Variants in PACS2 observed in about 807,000 individuals in gnomAD.
PACS2 encodes the protein PACS1-like protein.
PACS2 carries 36 observed loss-of-function variants against 113.0 expected under a neutral mutation model. That is an observed-to-expected ratio of 0.32 (90% CI 0.24 to 0.42). PACS2 has a LOEUF of 0.42. Ranked by LOEUF, PACS2 falls within the 10% of genes least tolerant of loss-of-function variation. The pLI, the probability that PACS2 is intolerant of heterozygous loss-of-function variation, is 1.00. For missense variants in PACS2, 1,015 were observed against 1,239.5 expected (o/e 0.82, Z 2.72); for synonymous variants, 589 against 536.1 (o/e 1.10, Z -1.36).
intron 1 of PACS2, among the ~76,000 whole-genome samples, chr14:105,321,781 C>T (rs1232850700): frequency 2.0e-5 from 3 of 151,502 alleles, no homozygotes; most frequent in African/African-American, 7.3e-5. Context: ...TGCTTTTTGT[C>T]TTTAGTATTG....
Position 105,315,413 on chromosome 14 carries a change from C to T in PACS2, c.119+376C>T, listed in dbSNP as rs912073941. ...TTCCTCTCTCGGGTACCACACGCTT[C>T]CTTTCGCGTTCGGCGACACTGTCAG... On this transcript the variant is annotated intron_variant, in intron 1 of 24. Transcript: ENST00000447393. The surrounding 1 kb of genome is among the most constrained non-coding windows in gnomAD (Gnocchi z 4.4). 5 of 152,290 alleles carry T rather than the reference C, an allele frequency of 3.3e-5. No homozygotes were observed. The highest frequency in any genetic ancestry group is 1.3e-4 in the Admixed American group (2 of 15,296). The allele number at this position is 152,290 out of a possible 1,614,324, so 9.4% of individuals were successfully genotyped here. A position where few individuals can be genotyped will look rare whatever the true frequency, so the allele number is the denominator to read the frequency against.
At position 105,304,356 on chromosome 14, in the gene PACS2, T is replaced by C. The variant is rs149060227; in HGVS notation, c.-83+3377T>C. ...ATACAAAAATTAGCAGGTGTGATGG[T>C]GGGCGCCTGTAGTTCCAGCTACTCG... On this transcript the variant is annotated intron_variant, in intron 1 of 23. Coordinates refer to the PACS2 transcript ENST00000430725. 6.5e-3 allele frequency among the ~76,000 whole-genome samples: 987 copies of C among 151,942 alleles called. 5 individuals are homozygous for C. Among genetic ancestry groups the C allele is most frequent in the Middle Eastern group, 0.017 (5 of 294 alleles).
chr14:105,385,569 C>G (rs1171616816), intron 18 of PACS2, 116 bp from the exon 19 acceptor site: 1 of 612,992 alleles, frequency 1.6e-6, no homozygotes, highest in Admixed American at 3.1e-5. Context: ...CTCACGGGCT[C>G]TCCCACGCAG....
rs587622024 is a variant in PACS2, at chr14:105,358,899, T to C, written c.423+3722T>C. 2.6e-5 allele frequency among the ~76,000 whole-genome samples: 4 copies of C among 152,342 alleles called. No homozygotes were observed. In the South Asian group the frequency reaches 6.2e-4, roughly 24 times the overall value. ...TATGAGTGTCTGCACAGCCACAGGCTGCTGATGACAGCCCAGTCAGGTGTG... is the reference window on the plus strand; with the variant it reads ...TATGAGTGTCTGCACAGCCACAGGCCGCTGATGACAGCCCAGTCAGGTGTG... On this transcript the variant is annotated intron_variant, in intron 4 of 24. Coordinates refer to ENST00000447393, the MANE Select transcript of PACS2 (RefSeq NM_001100913.3). The surrounding 1 kb of genome is among the most constrained non-coding windows in gnomAD (Gnocchi z 4.9).
chr14:105,334,369 C>A (rs79703467), intron 1 of PACS2, among the ~76,000 whole-genome samples: 3,849 of 152,338 alleles, frequency 0.025, 89 homozygotes, highest in Non-Finnish European at 0.034. Flanking sequence ...TGACGCAGAC[C>A]AGACCTGGCT....
chr14:105,360,405 G>A (rs980326336), intron 4 of PACS2, among the ~76,000 whole-genome samples: 14 of 152,010 alleles, frequency 9.2e-5, no homozygotes, highest in Non-Finnish European at 1.6e-4. Context: ...TTAGCCGGGC[G>A]TCGTGGCTCA....
rs2059246519 is a variant in PACS2, at chr14:105,330,070, T to A, written c.119+15033T>A. 6.6e-6 allele frequency among the ~76,000 whole-genome samples: 1 copy of A among 151,382 alleles called. No homozygotes were observed. The highest frequency in any genetic ancestry group is 1.5e-5 in the Non-Finnish European group (1 of 67,858). ...GAGCCTCCGAGAAGCCTGGGGTCCA[T>A]GTGTGGGAAGGAACGGGGACAGGGA... On this transcript the variant is annotated intron_variant, in intron 1 of 24. Transcript: ENST00000447393. This position sits in a 1 kb window ranked among gnomAD's most constrained non-coding sequence, Gnocchi z 6.9.
intron 19 of PACS2, among the ~76,000 whole-genome samples, chr14:105,387,482 G>A (rs1200326247): frequency 2.0e-5 from 3 of 152,208 alleles, no homozygotes; most frequent in Non-Finnish European, 4.4e-5. Flanking sequence ...TGCCCGCGGG[G>A]CCTCCCCACG....
In PACS2 at chr14:105,396,607, TCTC is replaced by T. The variant is rs2081537639; in HGVS notation, c.*1938_*1940del. 1.3e-5 allele frequency: 2 copies of T among 151,820 alleles called. No individual in the cohort carries two copies. The highest frequency in any genetic ancestry group is 6.6e-5 in the Admixed American group (1 of 15,224). 9.4% of individuals were successfully genotyped at this position (151,820 alleles called of 1,614,324 possible). A position where few individuals can be genotyped will look rare whatever the true frequency, so the allele number is the denominator to read the frequency against. ...CCTCCGTCTCCCAGGTTCAAGCAGT[TCTC>T]CTGCCTCAGCCTCCCGAGTAGCTGG... On this transcript the variant is annotated 3_prime_UTR_variant, in exon 25 of 25. Transcript: ENST00000447393.
At chr14:105,389,870 T>C (rs2081298795) in intron 19 of PACS2, 91 bp from the exon 20 acceptor site, 4 of 1,185,940 alleles carry the variant, frequency 3.4e-6, no homozygotes, top group Non-Finnish European at 2.5e-6. Context: ...GCCCCAGGGC[T>C]GCGCCAGGTT....
chr14:105,334,640 G>T (rs1044326777), intron 1 of PACS2, among the ~76,000 whole-genome samples: 1 of 152,152 alleles, frequency 6.6e-6, no homozygotes, highest in South Asian at 2.1e-4. Flanking sequence ...AGGGTCCAGT[G>T]TGTGGGTAGA....
At position 105,348,600 on chromosome 14, in the gene PACS2, C is replaced by T. The variant is rs375542895; in HGVS notation, c.207+20C>T. 1.9e-5 allele frequency: 29 copies of T among 1,560,110 alleles called. No individual in the cohort carries two copies. The highest frequency in any genetic ancestry group is 1.4e-4 in the South Asian group (13 of 90,082). On this transcript the variant is annotated intron_variant, in intron 2 of 24. Coordinates refer to ENST00000447393, the MANE Select transcript of PACS2 (RefSeq NM_001100913.3). The surrounding 1 kb of genome is among the most constrained non-coding windows in gnomAD (Gnocchi z 6.4). Reference sequence around the variant, plus strand: ...ATGCAGGTGAGGCCGCTTGTGACCCCGGCTGTGGCTGGGTGCTGTGTAGGC... The same window carrying T: ...ATGCAGGTGAGGCCGCTTGTGACCCTGGCTGTGGCTGGGTGCTGTGTAGGC...
chr14:105,328,049 T>C (rs2059186004), intron 1 of PACS2, among the ~76,000 whole-genome samples: 1 of 152,274 alleles, frequency 6.6e-6, no homozygotes, highest in South Asian at 2.1e-4. Flanking sequence ...CCCCCCAGGA[T>C]TCGTCAACCT....
chr14:105,319,935 A>G, intron 1 of PACS2, among the ~76,000 whole-genome samples: 1 of 152,338 alleles, frequency 6.6e-6, no homozygotes, highest in African/African-American at 2.4e-5. Flanking sequence ...TATAATTTTT[A>G]TCTTTTCATT....
Position 105,356,447 on chromosome 14 carries a change from A to T in PACS2, c.423+1270A>T, listed in dbSNP as rs587705984. On this transcript the variant is annotated intron_variant, in intron 4 of 24. Coordinates refer to ENST00000447393, the MANE Select transcript of PACS2 (RefSeq NM_001100913.3). The surrounding 1 kb of genome is among the most constrained non-coding windows in gnomAD (Gnocchi z 4.0). Reference sequence around the variant, plus strand: ...GACAGCACGGGTGGACCGGGCCTCCAGGCTGCACTTCCCAGGGCCCTGGGA... The same window carrying T: ...GACAGCACGGGTGGACCGGGCCTCCTGGCTGCACTTCCCAGGGCCCTGGGA... Among the ~76,000 whole-genome samples, 1 of 152,232 alleles carries T rather than the reference A, an allele frequency of 6.6e-6. No homozygotes were observed. The highest frequency in any genetic ancestry group is 2.4e-5 in the African/African-American group (1 of 41,560).
In PACS2 at chr14:105,394,596, A is replaced by C; in HGVS notation, c.2639A>C (p.Gln880Pro). The change falls in exon 25 of 25, where the codon CAG (glutamine) becomes CCG (proline). Residue 880 changes from glutamine (Q) to proline (P), a missense_variant. This residue lies in a region of PACS2 where 859 missense variants were observed against 1,056.8 expected (regional missense o/e 0.81). Transcript: ENST00000447393. ...GAGTGCAGCGACGTCAAGTTCTTCCAGCTGGCCGCGCAGTGGTCCTCGCAC... is the reference window on the plus strand; with the variant it reads ...GAGTGCAGCGACGTCAAGTTCTTCCCGCTGGCCGCGCAGTGGTCCTCGCAC... ...GVECSDVKFF[Q>P]LAAQWSSHVK... The C allele has an allele frequency of 6.2e-7, 1 of 1,613,380 alleles. No homozygotes were observed. Among genetic ancestry groups the C allele is most frequent in the Non-Finnish European group, 8.5e-7 (1 of 1,179,978 alleles).
rs182156331 is a variant in PACS2 at position 105,358,762 on chromosome 14, G to A, written c.423+3585G>A. Among the ~76,000 whole-genome samples, 118 of 152,310 alleles carry A rather than the reference G, an allele frequency of 7.7e-4. 1 individual carries two copies. The East Asian group carries it at 0.015, about 20-fold the overall frequency. ...ACTGGGGCCAGGTCCAGCCCAAGGG[G>A]ACCTGTGAGGGGCGGGCGGCTCATG... On this transcript the variant is annotated intron_variant, in intron 4 of 24. Transcript: ENST00000447393. The surrounding 1 kb of genome is among the most constrained non-coding windows in gnomAD (Gnocchi z 4.9).
At chr14:105,378,779 C>T (rs2080874904) in intron 9 of PACS2, among the ~76,000 whole-genome samples, 2 of 152,232 alleles carry the variant, frequency 1.3e-5, no homozygotes, top group Non-Finnish European at 2.9e-5. Context: ...CCTCCTTTTT[C>T]TTCGTACATA....
chr14:105,375,836 G>A (rs1051886419), intron 8 of PACS2, among the ~76,000 whole-genome samples: 2 of 152,216 alleles, frequency 1.3e-5, no homozygotes, highest in African/African-American at 2.4e-5. Context: ...AGCTTCATCT[G>A]TGATGGTCAT....
Sources: gnomAD v4.1 joint callset for allele counts (sites outside exome capture counted in the v4.1 genomes callset) on GRCh38, gnomAD v4.1.1 for gene constraint, gnomAD v4.1.1 regional missense constraint, Gnocchi (gnomAD v3.1) non-coding constraint, MANE v1.5 for transcripts, NCBI Gene and HGNC (gene_info 2026-07-23, HGNC 2026-07-21) for gene names.